Variants in PAN3 observed in about 807,000 individuals in gnomAD.
PAN3 encodes poly(A) specific ribonuclease subunit PAN3, also known as PAN2-PAN3 deadenylation complex subunit PAN3.
Under a neutral mutation model 96.2 loss-of-function variants are expected in PAN3, and 19 were observed. That is an observed-to-expected ratio of 0.20 (90% confidence interval 0.14 to 0.29). The LOEUF is 0.29. Ranked by LOEUF, PAN3 falls within the 10% of genes least tolerant of loss-of-function variation. The pLI, the probability that PAN3 is intolerant of heterozygous loss-of-function variation, is 1.00. For synonymous variants in PAN3, 433 were observed against 406.6 expected (o/e 1.06, Z -0.78); for missense variants, 882 against 1,108.1 (o/e 0.80, Z 2.90).
intron 1 of PAN3, among the ~76,000 whole-genome samples, chr13:28,172,208 C>A (rs1022048274): frequency 1.3e-5 from 2 of 152,190 alleles, no homozygotes; most frequent in African/African-American, 2.4e-5. Context: ...GTAATCCCAA[C>A]ACTTTGGGAG....
intron 18 of PAN3, among the ~76,000 whole-genome samples, chr13:28,288,923 T>C (rs1375321956): frequency 7.0e-6 from 1 of 142,780 alleles, no homozygotes; most frequent in African/African-American, 2.7e-5. Context: ...GCCTCCCGGG[T>C]TCACGCCATT....
At chr13:28,259,312 GT>G (rs1005866304) in intron 7 of PAN3, among the ~76,000 whole-genome samples, 36 of 142,130 alleles carry the variant, frequency 2.5e-4, no homozygotes, top group Admixed American at 2.8e-4. Context: ...TTTTTTTGTT[GT>G]TTTTTTTTTT....
At chr13:28,176,766 G>A (rs1875065866) in intron 3 of PAN3, among the ~76,000 whole-genome samples, 1 of 151,864 alleles carries the variant, frequency 6.6e-6, no homozygotes, top group African/African-American at 2.4e-5. Context: ...CAGCACTTTG[G>A]GAGGCTCAGG....
intron 18 of PAN3, among the ~76,000 whole-genome samples, chr13:28,290,480 G>C (rs1307665612): frequency 6.6e-6 from 1 of 152,118 alleles, no homozygotes; most frequent in Non-Finnish European, 1.5e-5. Context: ...TCGGGAGTTT[G>C]AGACCAGCCT....
chr13:28,284,767 A>G (rs1023888636), intron 17 of PAN3, among the ~76,000 whole-genome samples: 1 of 152,178 alleles, frequency 6.6e-6, no homozygotes, highest in African/African-American at 2.4e-5. Context: ...GAAATCTAGC[A>G]GTATTCTTTC....
intron 18 of PAN3, among the ~76,000 whole-genome samples, chr13:28,290,578 G>A (rs559378404): frequency 6.6e-6 from 1 of 152,230 alleles, no homozygotes; most frequent in South Asian, 2.1e-4. Context: ...CTACTTCGGA[G>A]GCTGAGGCAG....
rs1021578990 is a variant in PAN3 at position 28,146,521 on chromosome 13, T to C, written c.430+7434T>C. Among the ~76,000 whole-genome samples, 7 of 152,216 alleles carry C rather than the reference T, an allele frequency of 4.6e-5. 1 individual carries two copies. In the South Asian group the frequency reaches 1.5e-3, roughly 32 times the overall value. On this transcript the variant is annotated intron_variant, in intron 1 of 18. Coordinates refer to ENST00000380958, the MANE Select transcript of PAN3 (RefSeq NM_175854.8). ...CCTGGTGAGGGCTCTCTCCTGGCTA[T>C]ATTATCTAGGTATGTGAGCACCCAA...
intron 1 of PAN3, among the ~76,000 whole-genome samples, chr13:28,155,451 G>A (rs1353599923): frequency 3.3e-5 from 5 of 151,948 alleles, no homozygotes; most frequent in African/African-American, 1.2e-4. Flanking sequence ...TTAGCCAGGT[G>A]TGGTTGCATG....
Position 28,288,566 on chromosome 13 carries a change from A to G in PAN3, c.2523+444A>G, listed in dbSNP as rs527369927. ...CTCAGCCTCCCAAAGTGGTAGGATT[A>G]TAGGCGTGAGCCACTGCGCCTGGCC... On this transcript the variant is annotated intron_variant, in intron 18 of 18. Transcript: ENST00000380958. Among the ~76,000 whole-genome samples the G allele has an allele frequency of 3.3e-5, 5 of 152,310 alleles. No individual in the cohort carries two copies. The East Asian group carries it at 7.7e-4, about 24-fold the overall frequency.
intron 6 of PAN3, among the ~76,000 whole-genome samples, chr13:28,238,702 CAAAA>C (rs751308792): frequency 6.6e-6 from 1 of 151,956 alleles, no homozygotes; most frequent in Non-Finnish European, 1.5e-5. Context: ...CGTTTGTAAA[CAAAA>C]AAACTTTCAG....
At chr13:28,212,380 A>G (rs780699361) in intron 5 of PAN3, among the ~76,000 whole-genome samples, 15 of 152,188 alleles carry the variant, frequency 9.9e-5, no homozygotes, top group Non-Finnish European at 1.8e-4. Context: ...AACAGAGAGC[A>G]AAGGTCAAGA....
intron 4 of PAN3, among the ~76,000 whole-genome samples, chr13:28,186,097 C>T (rs556162961): frequency 2.6e-5 from 4 of 152,240 alleles, no homozygotes; most frequent in East Asian, 3.9e-4. Context: ...ATTTTGAAAA[C>T]GGGGAAGGAG....
At chr13:28,274,724 T>G (rs571275596) in intron 14 of PAN3, among the ~76,000 whole-genome samples, 1 of 152,212 alleles carries the variant, frequency 6.6e-6, no homozygotes, top group East Asian at 1.9e-4. Flanking sequence ...ATCACCTGTT[T>G]ATTTTTTTCA....
chr13:28,215,701 ATG>A, intron 5 of PAN3: 2 of 1,490,232 alleles, frequency 1.3e-6, no homozygotes, highest in South Asian at 2.4e-5. Flanking sequence ...AAGTCTGGTG[ATG>A]CCGCCATTGT....
chr13:28,277,249 A>T lies in PAN3; in HGVS notation c.2062A>T (p.Ile688Leu), dbSNP rs1236314321. 2 of 1,610,516 alleles carry T rather than the reference A, an allele frequency of 1.2e-6. No homozygotes were observed. Among genetic ancestry groups the T allele is most frequent in the South Asian group, 1.1e-5 (1 of 90,042 alleles). ...TCTTTCATGTCAGCAAGCAGATCTG[A>T]TATCATTAGGAAAAGTTGTGTTGGC... is the stretch of plus-strand genomic sequence containing the variant. ...LMAQYQQADL[I>L]SLGKVVLALA... The change falls in exon 15 of 19, where the codon ATA (isoleucine) becomes TTA (leucine). Residue 688 changes from isoleucine (I) to leucine (L), a missense_variant. Physicochemically the swap from Ile to Leu is conservative, Grantham distance 5. Around this residue, in one of 3 missense-constraint regions of PAN3, gnomAD observed 364 missense variants for 513.6 expected, o/e 0.71. Transcript: ENST00000380958.
At chr13:28,196,066 C>T in intron 4 of PAN3, among the ~76,000 whole-genome samples, 1 of 148,966 alleles carries the variant, frequency 6.7e-6, no homozygotes, top group East Asian at 2.0e-4. Flanking sequence ...TGCAATGTTG[C>T]CCAGGCTGTT....
At chr13:28,167,738 G>T (rs1873776363) in intron 1 of PAN3, among the ~76,000 whole-genome samples, 1 of 151,992 alleles carries the variant, frequency 6.6e-6, no homozygotes, top group Non-Finnish European at 1.5e-5. Context: ...CACCTATTTG[G>T]GGGCCTGAGG....
intron 4 of PAN3, among the ~76,000 whole-genome samples, chr13:28,184,407 T>G (rs1451280961): frequency 6.6e-6 from 1 of 152,142 alleles, no homozygotes; most frequent in East Asian, 1.9e-4. Flanking sequence ...TAATATAAAT[T>G]ACATAGGGCA....
At chr13:28,239,088 A>T (rs1326305980) in intron 6 of PAN3, among the ~76,000 whole-genome samples, 1 of 151,506 alleles carries the variant, frequency 6.6e-6, no homozygotes, top group Non-Finnish European at 1.5e-5. Context: ...CGTTAAGCAG[A>T]GTTACTCTAG....
Sources: gnomAD v4.1 joint callset for allele counts (sites outside exome capture counted in the v4.1 genomes callset) on GRCh38, gnomAD v4.1.1 for gene constraint, gnomAD v4.1.1 regional missense constraint, MANE v1.5 for transcripts, NCBI Gene and HGNC (gene_info 2026-07-23, HGNC 2026-07-21) for gene names.